KASH5: variants seen among roughly 807,000 people sequenced by gnomAD.
KASH5 encodes the protein KASH domain containing 5.
In KASH5, 72 loss-of-function variants were observed where a neutral mutation model predicts 84.2. The ratio of observed to expected loss-of-function variants is 0.85; its 90% CI spans 0.71 to 1.04. KASH5 has a LOEUF of 1.04. KASH5 is among the 50% of genes least tolerant of loss of function. The pLI, the probability that KASH5 is intolerant of heterozygous loss-of-function variation, is 0.00. For synonymous variants in KASH5, 260 were observed against 279.1 expected (o/e 0.93, Z 0.68); for missense variants, 650 against 701.0 (o/e 0.93, Z 0.82).
intron 2 of KASH5, among the ~76,000 whole-genome samples, chr19:49,392,946 A>T (rs1368740444): frequency 6.7e-6 from 1 of 150,166 alleles, no homozygotes; most frequent in African/African-American, 2.5e-5. Flanking sequence ...AGGAAAACAG[A>T]CTGGGGCTAA....
intron 2 of KASH5, among the ~76,000 whole-genome samples, chr19:49,393,052 T>C (rs1442420615): frequency 1.3e-5 from 2 of 152,088 alleles, no homozygotes; most frequent in Admixed American, 1.3e-4. Context: ...CAAATTTCAC[T>C]CACTGCAGAG....
Position 49,391,747 on chromosome 19 carries a change from T to G in KASH5, c.43+821T>G, listed in dbSNP as rs1172224747. ...CCCCAGAGCAACTCCTGACTCACTG[T>G]GGGAGCTCACTTACTGTTGAGTGAA... On this transcript the variant is annotated intron_variant, in intron 2 of 19. Transcript: ENST00000447857. 3 of 152,232 alleles carry G rather than the reference T, an allele frequency of 2.0e-5. No individual in the cohort carries two copies. In the East Asian group the frequency reaches 5.8e-4, roughly 29 times the overall value. The allele number at this position is 152,232 out of a possible 1,614,324, so 9.4% of individuals were successfully genotyped here.
chr19:49,417,666 GT>G lies in KASH5; in HGVS notation c.*162del. The G allele has an allele frequency of 2.2e-6, 2 of 924,234 alleles. No individual in the cohort carries two copies. Among genetic ancestry groups the G allele is most frequent in the Non-Finnish European group, 3.0e-6 (2 of 675,034 alleles). 57.3% of individuals were successfully genotyped at this position (924,234 alleles called of 1,614,324 possible). A position where few individuals can be genotyped will look rare whatever the true frequency, so the allele number is the denominator to read the frequency against. On this transcript the variant is annotated 3_prime_UTR_variant, in exon 20 of 20. Transcript: ENST00000447857. The surrounding 1 kb of genome is among the most constrained non-coding windows in gnomAD (Gnocchi z 5.2). ...CTGTATTTTTATGTGAAGTCTCCTA[GT>G]TTTTTAATGCTGACATTTCTTAACA...
chr19:49,391,505 C>T (rs192318318), intron 2 of KASH5, among the ~76,000 whole-genome samples: 35 of 152,002 alleles, frequency 2.3e-4, no homozygotes, highest in African/African-American at 8.2e-4. Context: ...AGACTAATAC[C>T]CTGTATATTA....
chr19:49,392,070 G>A (rs1164812928), intron 2 of KASH5, among the ~76,000 whole-genome samples: 1 of 152,142 alleles, frequency 6.6e-6, no homozygotes, highest in Admixed American at 6.5e-5. Flanking sequence ...ACCAGCAGAG[G>A]GCGTGCAGCC....
At chr19:49,401,722 G>A (rs1974366003) in intron 9 of KASH5, among the ~76,000 whole-genome samples, 1 of 152,088 alleles carries the variant, frequency 6.6e-6, no homozygotes, top group African/African-American at 2.4e-5. Flanking sequence ...CCAGCTCTAA[G>A]GATCTCTGCC....
intron 2 of KASH5, chr19:49,391,563 G>A (rs1600890869): frequency 6.6e-6 from 1 of 151,894 alleles, no homozygotes; most frequent in African/African-American, 2.4e-5. Flanking sequence ...TATGTATATA[G>A]CCAATATATA....
At chr19:49,400,353 C>CTT (rs36066335) in intron 9 of KASH5, among the ~76,000 whole-genome samples, 22 of 124,184 alleles carry the variant, frequency 1.8e-4, no homozygotes, top group South Asian at 2.4e-4. Context: ...CTTTTAGTTT[C>CTT]TTTTTTTTTT....
intron 9 of KASH5, among the ~76,000 whole-genome samples, chr19:49,400,098 G>A (rs960392526): frequency 7.9e-5 from 12 of 151,886 alleles, no homozygotes; most frequent in African/African-American, 2.9e-4. Context: ...GCATGGTAGT[G>A]TGCACCTGTA....
At chr19:49,407,559 C>G (rs1320184915) in intron 11 of KASH5, 53 bp from the exon 12 acceptor site, 2 of 1,538,142 alleles carry the variant, frequency 1.3e-6, no homozygotes, top group African/African-American at 2.7e-5. Flanking sequence ...ACCACCACCC[C>G]CAGTGTCTTT....
intron 10 of KASH5, 32 bp downstream of exon 10, chr19:49,406,995 C>T: frequency 6.4e-7 from 1 of 1,554,566 alleles, no homozygotes; most frequent in Non-Finnish European, 8.7e-7. Context: ...TGACAACTTT[C>T]CACCACCCCG....
rs1974909907 is a variant in KASH5 at position 49,416,556 on chromosome 19, C to A, written c.1375-459C>A. ...CTGGCATAGGCAGGAAGACAGGATT[C>A]TTCATGAGGCCCAGCACAGGGGTGG... On this transcript the variant is annotated intron_variant, in intron 17 of 19. Coordinates refer to ENST00000447857, the MANE Select transcript of KASH5 (RefSeq NM_144688.5). The surrounding 1 kb of genome is among the most constrained non-coding windows in gnomAD (Gnocchi z 5.4). 6.6e-6 allele frequency among the ~76,000 whole-genome samples: 1 copy of A among 152,158 alleles called. No homozygotes were observed. Among genetic ancestry groups the A allele is most frequent in the Admixed American group, 6.5e-5 (1 of 15,274 alleles).
At chr19:49,397,861 T>C (rs1974232697) in intron 6 of KASH5, 121 bp from the exon 7 acceptor site, 2 of 1,411,020 alleles carry the variant, frequency 1.4e-6, no homozygotes, top group Admixed American at 4.0e-5. Flanking sequence ...AGCAGAGGAG[T>C]CTCTCTCCTG....
chr19:49,412,743 T>G lies in KASH5; in HGVS notation c.1270-225T>G, dbSNP rs1859458108. Among the ~76,000 whole-genome samples, 1 of 152,074 alleles carries G rather than the reference T, an allele frequency of 6.6e-6. No individual in the cohort carries two copies. The highest frequency in any genetic ancestry group is 2.4e-5 in the African/African-American group (1 of 41,414). ...GCTTGGTGGCATCGAGAACAACCCT[T>G]TGGTTTTTGGCTTCTGCCCTTAGGG... On this transcript the variant is annotated intron_variant, in intron 15 of 19. Transcript: ENST00000447857. The surrounding 1 kb of genome is among the most constrained non-coding windows in gnomAD (Gnocchi z 4.6).
At chr19:49,394,254 C>T (rs1974100781) in intron 2 of KASH5, among the ~76,000 whole-genome samples, 1 of 152,162 alleles carries the variant, frequency 6.6e-6, no homozygotes, top group African/African-American at 2.4e-5. Context: ...AAAAAGACAG[C>T]AGGGGGGACT....
chr19:49,402,060 G>A (rs1974377577), intron 9 of KASH5, among the ~76,000 whole-genome samples: 1 of 150,408 alleles, frequency 6.6e-6, no homozygotes, highest in African/African-American at 2.5e-5. Flanking sequence ...TGGCCAACAC[G>A]GTGAAGCCCC....
At chr19:49,409,060 G>A in intron 13 of KASH5, 29 bp downstream of exon 13, 1 of 1,582,812 alleles carries the variant, frequency 6.3e-7, no homozygotes. Context: ...GGTAGGAGGA[G>A]GCAGGAGGGG....
rs987808411 is a variant in KASH5, at chr19:49,417,021, C to A, written c.1381C>A (p.Leu461Ile). The A allele has an allele frequency of 6.3e-7, 1 of 1,587,656 alleles. No homozygotes were observed. Among genetic ancestry groups the A allele is most frequent in the Admixed American group, 1.8e-5 (1 of 56,268 alleles). The change falls in exon 18 of 20, where the codon CTC (leucine) becomes ATC (isoleucine). Residue 461 changes from leucine to isoleucine, a missense_variant. Physicochemically the swap from Leu to Ile is conservative, Grantham distance 5. Transcript: ENST00000447857. The surrounding 1 kb of genome is among the most constrained non-coding windows in gnomAD (Gnocchi z 5.2). ...EDAESQVTADLPVPLGAPRPG... is the reference protein window; with the variant it reads ...EDAESQVTADIPVPLGAPRPG... ...ATCTCTTCTGTCCTTGCAGGCTGAT[C>A]TCCCTGTCCCTCTAGGAGCCCCTCG... is the stretch of plus-strand genomic sequence containing the variant.
chr19:49,396,242 A>ATTTTTTTGTTTT lies in KASH5; in HGVS notation c.400+409_400+410insTTTTTTTGTTTT, dbSNP rs1568611428. 3.3e-5 allele frequency among the ~76,000 whole-genome samples: 4 copies of ATTTTTTTGTTTT among 122,904 alleles called. 2 individuals are homozygous for ATTTTTTTGTTTT. The highest frequency in any genetic ancestry group is 3.4e-5 in the Non-Finnish European group (2 of 59,622). The allele number at this position is 122,904 out of a possible 152,430, so 80.6% of individuals were successfully genotyped here. Reference sequence around the variant, plus strand: ...CACTCCTTGCTCCCCACCCTGCTGGACTTTTTTTTTTTTTTTTTTTTTTTT... The same window carrying ATTTTTTTGTTTT: ...CACTCCTTGCTCCCCACCCTGCTGGATTTTTTTGTTTTCTTTTTTTTTTTTTTTTTTTTTTTT... On this transcript the variant is annotated intron_variant, in intron 5 of 19. Coordinates refer to ENST00000447857, the MANE Select transcript of KASH5 (RefSeq NM_144688.5).
Sources: gnomAD v4.1 joint callset for allele counts (sites outside exome capture counted in the v4.1 genomes callset) on GRCh38, gnomAD v4.1.1 for gene constraint, Gnocchi (gnomAD v3.1) non-coding constraint, MANE v1.5 for transcripts, NCBI Gene and HGNC (gene_info 2026-07-23, HGNC 2026-07-21) for gene names.